The following SCN1A variants were observed in gnomAD, a reference collection of about 807,000 sequenced individuals.
SCN1A encodes sodium voltage-gated channel alpha subunit 1.
A neutral mutation model predicts 193.7 loss-of-function variants in SCN1A; 13 were observed. The ratio of observed to expected loss-of-function variants is 0.07; its 90% confidence interval spans 0.04 to 0.11. The LOEUF is 0.11. Among genes scored for constraint, SCN1A ranks in the 10% least tolerant of loss-of-function variants. SCN1A has a pLI of 1.00. For missense variants in SCN1A, 1,432 were observed against 2,451.1 expected (o/e 0.58, Z 8.78); for synonymous variants, 781 against 843.6 (o/e 0.93, Z 1.29).
At chr2:166,010,675 G>A (rs1171312927) in intron 22 of SCN1A, among the ~76,000 whole-genome samples, 6 of 151,020 alleles carry the variant, frequency 4.0e-5, no homozygotes, top group South Asian at 2.1e-4. Context: ...GGAGAATTCC[G>A]CATATACTGC....
At chr2:166,101,754 A>G (rs553710437) in intron 2 of SCN1A, among the ~76,000 whole-genome samples, 1 of 152,306 alleles carries the variant, frequency 6.6e-6, no homozygotes, top group African/African-American at 2.4e-5. Context: ...ACTTAAATGT[A>G]AGACCTAAAA....
At chr2:166,065,766 GC>G (rs2105946902) in intron 4 of SCN1A, among the ~76,000 whole-genome samples, 1 of 152,118 alleles carries the variant, frequency 6.6e-6, no homozygotes, top group South Asian at 2.1e-4. Context: ...AAACTAAAAT[GC>G]CCACAGAGGC....
chr2:166,076,539 A>T (rs1685000342), intron 3 of SCN1A, among the ~76,000 whole-genome samples: 3 of 151,974 alleles, frequency 2.0e-5, no homozygotes, highest in Admixed American at 6.6e-5. Context: ...TGATAAACTG[A>T]TTTTGAAGTT....
chr2:166,127,382 C>T (rs1331856752), intron 1 of SCN1A, among the ~76,000 whole-genome samples: 1 of 152,134 alleles, frequency 6.6e-6, no homozygotes, highest in Non-Finnish European at 1.5e-5. Context: ...AACAATATGA[C>T]CTCTATTCCC....
chr2:166,115,245 G>A (rs542122022), intron 2 of SCN1A, among the ~76,000 whole-genome samples: 112 of 152,196 alleles, frequency 7.4e-4, no homozygotes, highest in African/African-American at 2.5e-3. Flanking sequence ...TGTAGTCCCC[G>A]CCACTTGGGG....
At chr2:166,061,464 C>T (rs899833946) in intron 4 of SCN1A, among the ~76,000 whole-genome samples, 2 of 152,044 alleles carry the variant, frequency 1.3e-5, no homozygotes, top group African/African-American at 4.8e-5. Flanking sequence ...CACAAAATTA[C>T]AACTAGATAG....
intron 2 of SCN1A, among the ~76,000 whole-genome samples, chr2:166,124,986 C>T (rs1350197913): frequency 6.6e-6 from 1 of 152,132 alleles, no homozygotes; most frequent in Non-Finnish European, 1.5e-5. Flanking sequence ...AAATGGAAAT[C>T]TAGGAATGTG....
At chr2:166,076,662 T>C (rs1207318469) in intron 3 of SCN1A, among the ~76,000 whole-genome samples, 1 of 151,908 alleles carries the variant, frequency 6.6e-6, no homozygotes, top group African/African-American at 2.4e-5. Flanking sequence ...CAGTAATCAA[T>C]ACAGTGTGGT....
chr2:165,989,132 T>G lies in SCN1A; in HGVS notation c.*2113A>C, dbSNP rs1688815067. ...AAATCTCCATATCATTAGAATATTC[T>G]GTTAACAAAAAGTGACTGGGCAAAC... On this transcript the variant is annotated 3_prime_UTR_variant, in exon 29 of 29. Coordinates refer to ENST00000674923, the MANE Select transcript of SCN1A (RefSeq NM_001165963.4). The G allele has an allele frequency of 6.6e-6, 1 of 152,418 alleles. No homozygotes were observed. Among genetic ancestry groups the G allele is most frequent in the Non-Finnish European group, 1.5e-5 (1 of 68,014 alleles). The allele number at this position is 152,418 out of a possible 1,614,324, so 9.4% of individuals were successfully genotyped here.
At chr2:166,024,958 G>A (rs1473966522) in intron 19 of SCN1A, among the ~76,000 whole-genome samples, 3 of 152,142 alleles carry the variant, frequency 2.0e-5, no homozygotes, top group African/African-American at 7.2e-5. Context: ...TTGGTCTTTT[G>A]CCTATTTTTC....
chr2:166,114,219 C>A (rs949424216), intron 2 of SCN1A, among the ~76,000 whole-genome samples: 15 of 152,082 alleles, frequency 9.9e-5, no homozygotes, highest in Non-Finnish European at 2.2e-4. Context: ...TTAAACAATG[C>A]AATGATTTTC....
chr2:166,005,115 G>A (rs1203652258), intron 23 of SCN1A, among the ~76,000 whole-genome samples: 1 of 151,366 alleles, frequency 6.6e-6, no homozygotes, highest in African/African-American at 2.4e-5. Flanking sequence ...CTAGAGTTCA[G>A]TGTAATCCTG....
chr2:166,016,814 A>C (rs564725190), intron 19 of SCN1A, among the ~76,000 whole-genome samples: 1 of 152,002 alleles, frequency 6.6e-6, no homozygotes, highest in South Asian at 2.1e-4. Flanking sequence ...AGACCCGACA[A>C]TAGGCATTCC....
chr2:166,068,573 C>T (rs1050872967), intron 4 of SCN1A, among the ~76,000 whole-genome samples: 3 of 152,084 alleles, frequency 2.0e-5, no homozygotes, highest in Non-Finnish European at 4.4e-5. Context: ...TCTGATTTCC[C>T]GTTAATTACT....
At position 166,126,833 on chromosome 2, in the gene SCN1A, G is replaced by A. The variant is rs540940339; in HGVS notation, c.-142+91C>T. 1.8e-4 allele frequency: 28 copies of A among 152,352 alleles called. 1 individual carries two copies. The East Asian group carries it at 4.4e-3, about 24-fold the overall frequency. The allele number at this position is 152,352 out of a possible 1,614,324, so 9.4% of individuals were successfully genotyped here. A position where few individuals can be genotyped will look rare whatever the true frequency, so the allele number is the denominator to read the frequency against. ...AAGCACATACCCACCACTCCAGACC[G>A]ATTTGTTAACAATCACCAGTGAGTA... On this transcript the variant is annotated intron_variant, in intron 2 of 28. Coordinates refer to ENST00000674923, the MANE Select transcript of SCN1A (RefSeq NM_001165963.4).
At chr2:166,124,462 A>C (rs928487495) in intron 2 of SCN1A, among the ~76,000 whole-genome samples, 2 of 152,030 alleles carry the variant, frequency 1.3e-5, no homozygotes, top group African/African-American at 2.4e-5. Flanking sequence ...CAGGAGAATC[A>C]CTTCAACCCG....
chr2:166,011,994 G>C (rs973061385), intron 22 of SCN1A, 115 bp downstream of exon 22: 21 of 890,086 alleles, frequency 2.4e-5, no homozygotes, highest in Non-Finnish European at 3.9e-5. Context: ...TATGCGTTTA[G>C]TGGTTATTAT....
chr2:166,145,056 T>G (rs2106307825), intron 1 of SCN1A, among the ~76,000 whole-genome samples: 1 of 152,074 alleles, frequency 6.6e-6, no homozygotes, highest in South Asian at 2.1e-4. Flanking sequence ...CAGGCTGGTC[T>G]CAAACTCCTG....
Position 165,990,905 on chromosome 2 carries a change from TACTAC to T in SCN1A, c.*335_*339del. 4.1e-6 allele frequency: 1 copy of T among 243,630 alleles called. No individual in the cohort carries two copies. The highest frequency in any genetic ancestry group is 8.0e-6 in the Non-Finnish European group (1 of 125,538). 15.1% of individuals were successfully genotyped at this position (243,630 alleles called of 1,614,324 possible). ...TTGAAATGCAAACAGTGGATACAAT[TACTAC>T]ACTAAAGTGTTTCATGTTAAACAAC... On this transcript the variant is annotated 3_prime_UTR_variant, in exon 29 of 29. Coordinates refer to ENST00000674923, the MANE Select transcript of SCN1A (RefSeq NM_001165963.4).
Sources: gnomAD v4.1 joint callset for allele counts (sites outside exome capture counted in the v4.1 genomes callset) on GRCh38, gnomAD v4.1.1 for gene constraint, MANE v1.5 for transcripts, NCBI Gene and HGNC (gene_info 2026-07-23, HGNC 2026-07-21) for gene names.